Variants in CALN1 observed in about 807,000 individuals in gnomAD.
CALN1 encodes the protein calcium-binding protein 8.
CALN1 carries 17 observed loss-of-function variants against 30.6 expected under a neutral mutation model. The observed-to-expected ratio is 0.56, with a 90% confidence interval of 0.38 to 0.83. CALN1 has a LOEUF of 0.83. Among genes scored for constraint, CALN1 ranks in the 40% least tolerant of loss-of-function variants. CALN1 has a pLI of 0.00. For synonymous variants in CALN1, 156 were observed against 131.4 expected (o/e 1.19, Z -1.28); for missense variants, 291 against 354.9 (o/e 0.82, Z 1.45).
At chr7:72,388,130 C>A (rs921499364) in intron 2 of CALN1, among the ~76,000 whole-genome samples, 1 of 152,060 alleles carries the variant, frequency 6.6e-6, no homozygotes, top group Admixed American at 6.5e-5. Flanking sequence ...GTTCTTCCAA[C>A]AAAGAAATGA....
chr7:72,170,448 C>T (rs1181180849), intron 3 of CALN1, among the ~76,000 whole-genome samples: 1 of 152,194 alleles, frequency 6.6e-6, no homozygotes, highest in African/African-American at 2.4e-5. Context: ...TGAGCAGCAG[C>T]TGCAACCACT....
intron 3 of CALN1, among the ~76,000 whole-genome samples, chr7:72,221,358 C>T (rs1338887370): frequency 1.5e-5 from 2 of 135,566 alleles, no homozygotes; most frequent in African/African-American, 5.7e-5. Context: ...CTATCTGTTG[C>T]CCAGGCTGGA....
intron 3 of CALN1, among the ~76,000 whole-genome samples, chr7:72,184,669 A>G (rs1790055689): frequency 6.6e-6 from 1 of 152,126 alleles, no homozygotes; most frequent in Non-Finnish European, 1.5e-5. Context: ...TCCTACTTTA[A>G]TGTTCCATTT....
chr7:72,240,008 T>C (rs1205037211), intron 3 of CALN1, among the ~76,000 whole-genome samples: 1 of 152,122 alleles, frequency 6.6e-6, no homozygotes, highest in Non-Finnish European at 1.5e-5. Flanking sequence ...GTGACATTCT[T>C]ACAACCAGCT....
chr7:71,824,064 G>A (rs1788764876), intron 5 of CALN1, among the ~76,000 whole-genome samples: 1 of 152,046 alleles, frequency 6.6e-6, no homozygotes, highest in Non-Finnish European at 1.5e-5. Context: ...GATTTGGGTG[G>A]GGACACAGCC....
At chr7:72,384,658 T>G (rs1286294045) in intron 2 of CALN1, among the ~76,000 whole-genome samples, 1 of 150,836 alleles carries the variant, frequency 6.6e-6, no homozygotes, top group Non-Finnish European at 1.5e-5. Context: ...AAAAAAAAAG[T>G]AAAAGCAAAA....
chr7:71,802,661 T>A (rs568620211), intron 6 of CALN1, among the ~76,000 whole-genome samples: 31 of 152,098 alleles, frequency 2.0e-4, no homozygotes, highest in African/African-American at 7.2e-4. Context: ...AAGGAAGAGG[T>A]CTTGCTATGT....
intron 2 of CALN1, among the ~76,000 whole-genome samples, chr7:72,285,655 A>C (rs1798037167): frequency 6.6e-6 from 1 of 152,238 alleles, no homozygotes; most frequent in African/African-American, 2.4e-5. Context: ...TATTTAATTT[A>C]TGTTGTATAG....
At chr7:72,206,701 T>C (rs575916637) in intron 3 of CALN1, among the ~76,000 whole-genome samples, 80 of 152,148 alleles carry the variant, frequency 5.3e-4, no homozygotes, top group Admixed American at 1.5e-3. Flanking sequence ...GAAAAAAAAA[T>C]CTGTTTTTAA....
intron 4 of CALN1, among the ~76,000 whole-genome samples, chr7:72,080,151 C>T (rs916920249): frequency 5.3e-5 from 8 of 152,142 alleles, no homozygotes; most frequent in African/African-American, 1.7e-4. Flanking sequence ...GTAAACATGT[C>T]CTATGAAATG....
intron 2 of CALN1, among the ~76,000 whole-genome samples, chr7:72,284,428 TTC>T (rs1797938360): frequency 6.6e-6 from 1 of 152,250 alleles, no homozygotes; most frequent in African/African-American, 2.4e-5. Context: ...TTGAACATTA[TTC>T]TCTGTGATGT....
chr7:72,249,044 G>A (rs753734468), intron 3 of CALN1, among the ~76,000 whole-genome samples: 1 of 152,260 alleles, frequency 6.6e-6, no homozygotes, highest in South Asian at 2.1e-4. Context: ...GATGGATCAC[G>A]AATTTCTTCA....
rs985722471 is a variant in CALN1, at chr7:72,397,309, G to A, written c.119+5942C>T. On this transcript the variant is annotated intron_variant, in intron 2 of 6. Coordinates refer to ENST00000395275, the MANE Select transcript of CALN1 (RefSeq NM_031468.4). ...ATGCCAGAGAGAGGCAGGTTGCAGT[G>A]TAAGCACCCAGAGGGTCCACATTCT... Among the ~76,000 whole-genome samples the A allele has an allele frequency of 7.2e-5, 11 of 152,274 alleles. No homozygotes were observed. The East Asian group carries it at 2.1e-3, about 29-fold the overall frequency.
chr7:72,202,394 A>C (rs780481247), intron 3 of CALN1, among the ~76,000 whole-genome samples: 17 of 152,218 alleles, frequency 1.1e-4, no homozygotes, highest in African/African-American at 1.7e-4. Flanking sequence ...AACTAATGAA[A>C]AAAAGAAATA....
chr7:72,417,970 A>G (rs559609347), intron 1 of CALN1, among the ~76,000 whole-genome samples: 8 of 152,316 alleles, frequency 5.3e-5, no homozygotes, highest in African/African-American at 1.9e-4. Flanking sequence ...TAAAATGTCC[A>G]ACTTTAATTT....
chr7:72,016,358 T>A (rs937687240), intron 5 of CALN1, among the ~76,000 whole-genome samples: 2 of 151,994 alleles, frequency 1.3e-5, no homozygotes. Flanking sequence ...TTGTATGTAA[T>A]ATTTCCTTCA....
chr7:72,191,034 G>C (rs1364862992), intron 3 of CALN1, among the ~76,000 whole-genome samples: 1 of 152,182 alleles, frequency 6.6e-6, no homozygotes, highest in Non-Finnish European at 1.5e-5. Flanking sequence ...TGTACGGCAA[G>C]AACCAGGCAT....
intron 3 of CALN1, among the ~76,000 whole-genome samples, chr7:72,109,083 C>A (rs1807380374): frequency 1.3e-5 from 2 of 152,088 alleles, no homozygotes; most frequent in African/African-American, 4.8e-5. Flanking sequence ...AGTGTGTTCC[C>A]CGCCCACATT....
chr7:71,846,985 C>A (rs1352875101), intron 5 of CALN1, among the ~76,000 whole-genome samples: 1 of 147,734 alleles, frequency 6.8e-6, no homozygotes, highest in Non-Finnish European at 1.5e-5. Flanking sequence ...TACACATATA[C>A]ACACACATAT....
Sources: gnomAD v4.1 joint callset for allele counts (sites outside exome capture counted in the v4.1 genomes callset) on GRCh38, gnomAD v4.1.1 for gene constraint, MANE v1.5 for transcripts, NCBI Gene and HGNC (gene_info 2026-07-23, HGNC 2026-07-21) for gene names.